SPATA13: variants seen among roughly 807,000 people sequenced by gnomAD.
The protein encoded by SPATA13 is spermatogenesis associated 13, also known as spermatogenesis-associated protein 13.
In SPATA13, 50 loss-of-function variants were observed where a neutral mutation model predicts 104.0. The observed-to-expected ratio is 0.48, with a 90% CI of 0.38 to 0.61. The LOEUF (loss-of-function observed/expected upper bound fraction) is 0.61. SPATA13 is among the 20% of genes least tolerant of loss of function. SPATA13 has a pLI of 0.00. For missense variants in SPATA13, 1,524 were observed against 1,690.6 expected (o/e 0.90, Z 1.73); for synonymous variants, 606 against 667.5 (o/e 0.91, Z 1.42).
At chr13:24,001,731 A>G (rs989317399) in intron 2 of SPATA13, among the ~76,000 whole-genome samples, 1 of 151,970 alleles carries the variant, frequency 6.6e-6, no homozygotes, top group Non-Finnish European at 1.5e-5. Flanking sequence ...ATGGAGGGAA[A>G]TGAAGAAAGA....
chr13:24,293,023 G>A (rs867708638), intron 9 of SPATA13, among the ~76,000 whole-genome samples: 759 of 24,364 alleles, frequency 0.031, 13 homozygotes, highest in African/African-American at 0.097. Context: ...AAAAAAAAAA[G>A]GCGAGGGTGT....
In SPATA13 at chr13:24,196,875, T is replaced by C. The variant is rs199725274; in HGVS notation, c.-111-25944T>C. 4.6e-5 allele frequency among the ~76,000 whole-genome samples: 7 copies of C among 151,792 alleles called. No homozygotes were observed. In the East Asian group the frequency reaches 1.3e-3, roughly 29 times the overall value. On this transcript the variant is annotated intron_variant, in intron 1 of 12. Transcript: ENST00000382108. ...AAGAGATAAGGAGAAGCATGATTTC[T>C]AACACTCTAGAATATTGGATTGGCT...
At chr13:24,135,130 C>A (rs80020643) in intron 3 of SPATA13, among the ~76,000 whole-genome samples, 1 of 152,036 alleles carries the variant, frequency 6.6e-6, no homozygotes, top group Non-Finnish European at 1.5e-5. Context: ...ACTCCAGAGC[C>A]GCAGGAAAAT....
intron 1 of SPATA13, among the ~76,000 whole-genome samples, chr13:23,980,530 A>G (rs553539187): frequency 6.6e-6 from 1 of 152,348 alleles, no homozygotes; most frequent in South Asian, 2.1e-4. Flanking sequence ...GCTTTTGAAA[A>G]TATTTGGATT....
At chr13:24,131,954 T>C (rs1445417560) in intron 3 of SPATA13, among the ~76,000 whole-genome samples, 1 of 152,206 alleles carries the variant, frequency 6.6e-6, no homozygotes, top group Admixed American at 6.5e-5. Flanking sequence ...GTGCTCAGCT[T>C]AGAACACACA....
chr13:24,213,049 G>A (rs1326957396), intron 1 of SPATA13, among the ~76,000 whole-genome samples: 3 of 152,236 alleles, frequency 2.0e-5, no homozygotes, highest in African/African-American at 7.2e-5. Context: ...GTGCTGCCCT[G>A]CTTGGGTCGG....
intron 1 of SPATA13, among the ~76,000 whole-genome samples, chr13:24,198,874 A>G (rs182061583): frequency 1.3e-4 from 20 of 152,092 alleles, no homozygotes; most frequent in Admixed American, 7.2e-4. Flanking sequence ...CTCAGGGGTG[A>G]TGCAGGACCT....
chr13:24,058,037 C>G (rs1430864111), intron 3 of SPATA13, among the ~76,000 whole-genome samples: 1 of 151,858 alleles, frequency 6.6e-6, no homozygotes. Context: ...CTGCTTAATA[C>G]ACCCAACGCA....
chr13:24,163,314 A>G (rs1011946158), intron 1 of SPATA13, among the ~76,000 whole-genome samples: 2 of 152,140 alleles, frequency 1.3e-5, no homozygotes, highest in African/African-American at 2.4e-5. Context: ...AGGTGAGAGG[A>G]TCTCTTGAGC....
chr13:24,245,776 A>T (rs1207815761), intron 2 of SPATA13, among the ~76,000 whole-genome samples: 5 of 151,220 alleles, frequency 3.3e-5, no homozygotes, highest in African/African-American at 4.9e-5. Context: ...TTATTTTTAG[A>T]TGAAGTTTCA....
intron 2 of SPATA13, among the ~76,000 whole-genome samples, chr13:24,226,050 T>C (rs984832938): frequency 3.9e-5 from 6 of 152,158 alleles, no homozygotes; most frequent in Non-Finnish European, 7.4e-5. Flanking sequence ...GTAGTCCCAA[T>C]GAGTGGCGGA....
intron 1 of SPATA13, among the ~76,000 whole-genome samples, chr13:24,176,081 C>G (rs1489176637): frequency 2.0e-5 from 3 of 152,182 alleles, no homozygotes; most frequent in African/African-American, 7.2e-5. Flanking sequence ...GCTTGCTCAG[C>G]TCCTGGTGTA....
intron 1 of SPATA13, among the ~76,000 whole-genome samples, chr13:24,181,288 C>G (rs571132931): frequency 6.6e-6 from 1 of 152,196 alleles, no homozygotes; most frequent in East Asian, 1.9e-4. Flanking sequence ...GAAGCAAGCA[C>G]TCTAAATTTA....
chr13:24,027,687 G>T (rs761565392), intron 3 of SPATA13, among the ~76,000 whole-genome samples: 12 of 152,154 alleles, frequency 7.9e-5, no homozygotes, highest in South Asian at 2.1e-4. Context: ...CTCTTTTCTG[G>T]CTGTGTGACC....
In SPATA13 at chr13:24,306,929, G is replaced by GT. The variant is rs1342166416; in HGVS notation, c.*4157dup. 1 of 152,118 alleles carries GT rather than the reference G, an allele frequency of 6.6e-6. No individual in the cohort carries two copies. The highest frequency in any genetic ancestry group is 1.5e-5 in the Non-Finnish European group (1 of 68,032). The allele number at this position is 152,118 out of a possible 1,614,324, so 9.4% of individuals were successfully genotyped here. A position where few individuals can be genotyped will look rare whatever the true frequency, so the allele number is the denominator to read the frequency against. ...TTGCTGTTGACAGCCAAAGTATAGTGTACAAGATTGATGTAACTTGATATG... is the reference window on the plus strand; with the variant it reads ...TTGCTGTTGACAGCCAAAGTATAGTGTTACAAGATTGATGTAACTTGATATG... On this transcript the variant is annotated 3_prime_UTR_variant, in exon 13 of 13. Coordinates refer to ENST00000382108, the MANE Select transcript of SPATA13 (RefSeq NM_001166271.3).
chr13:24,055,538 C>T (rs995811627), intron 3 of SPATA13, among the ~76,000 whole-genome samples: 5 of 152,196 alleles, frequency 3.3e-5, no homozygotes, highest in African/African-American at 9.7e-5. Flanking sequence ...ACCATGCATT[C>T]ACTGAGAAAC....
At chr13:24,116,139 A>G (rs957799467) in intron 3 of SPATA13, among the ~76,000 whole-genome samples, 2 of 152,238 alleles carry the variant, frequency 1.3e-5, no homozygotes, top group Non-Finnish European at 2.9e-5. Flanking sequence ...GCTCATGAAC[A>G]ACAGAAATTT....
chr13:24,191,397 C>A (rs893030829), intron 1 of SPATA13, among the ~76,000 whole-genome samples: 55 of 151,930 alleles, frequency 3.6e-4, no homozygotes, highest in Admixed American at 3.3e-3. Context: ...CTTTGTGTGA[C>A]CTGCTTTATT....
chr13:24,194,600 T>G (rs1869945759), intron 1 of SPATA13, among the ~76,000 whole-genome samples: 1 of 152,196 alleles, frequency 6.6e-6, no homozygotes, highest in Non-Finnish European at 1.5e-5. Flanking sequence ...TGCTAATAGC[T>G]GCATAATGAG....
Sources: allele counts gnomAD v4.1 joint callset (sites outside exome capture counted in the v4.1 genomes callset), GRCh38; gene constraint gnomAD v4.1.1; transcripts MANE v1.5; gene names NCBI Gene and HGNC (gene_info 2026-07-23, HGNC 2026-07-21).